Variants in SNRPN observed in about 807,000 individuals in gnomAD.
SNRPN encodes the protein small nuclear ribonucleoprotein polypeptide N.
A neutral mutation model predicts 25.2 loss-of-function variants in SNRPN; 7 were observed. The ratio of observed to expected loss-of-function variants is 0.28; its 90% CI spans 0.16 to 0.52. The LOEUF (loss-of-function observed/expected upper bound fraction) is 0.52, where lower values mean the gene tolerates loss of function less well. Among genes scored for constraint, SNRPN ranks in the 20% least tolerant of loss-of-function variants. The pLI, the probability that SNRPN is intolerant of heterozygous loss-of-function variation, is 0.96. For missense variants in SNRPN, 196 were observed against 322.5 expected (o/e 0.61, Z 3.00); for synonymous variants, 124 against 110.6 (o/e 1.12, Z -0.76).
At chr15:24,826,089 T>G (rs569738494) in intron 1 of SNRPN, among the ~76,000 whole-genome samples, 1 of 152,096 alleles carries the variant, frequency 6.6e-6, no homozygotes, top group Non-Finnish European at 1.5e-5. Flanking sequence ...ATGAATAAGA[T>G]GAAAGAGTTG....
chr15:24,976,477 T>C, intron 6 of SNRPN, 61 bp downstream of exon 6: 1 of 1,135,222 alleles, frequency 8.8e-7, no homozygotes, highest in Non-Finnish European at 1.3e-6. Flanking sequence ...TTATGTGAGA[T>C]GTCTGAAATC....
chr15:24,929,905 T>G lies in SNRPN; in HGVS notation c.-391+9781T>G. On this transcript the variant is annotated intron_variant, in intron 3 of 11. Transcript: ENST00000400097. The surrounding 1 kb of genome is among the most constrained non-coding windows in gnomAD (Gnocchi z 5.3). ...CATCTATTATGTATCAATAAAAAAATGGCCAGGCACGGTGGCTCACACCTA... is the reference window on the plus strand; with the variant it reads ...CATCTATTATGTATCAATAAAAAAAGGGCCAGGCACGGTGGCTCACACCTA... Among the ~76,000 whole-genome samples the G allele has an allele frequency of 6.6e-6, 1 of 152,038 alleles. No homozygotes were observed. Among genetic ancestry groups the G allele is most frequent in the South Asian group, 2.1e-4 (1 of 4,824 alleles).
At chr15:24,955,164 G>A (rs1216955232) in intron 1 of SNRPN, 102 bp downstream of exon 1, 2 of 1,500,724 alleles carry the variant, frequency 1.3e-6, no homozygotes, top group South Asian at 1.2e-5. Flanking sequence ...CTGAATAAAC[G>A]GAATTTGGGC....
chr15:24,933,267 CAAAAA>C (rs1481115212), intron 3 of SNRPN, among the ~76,000 whole-genome samples: 2 of 150,948 alleles, frequency 1.3e-5, no homozygotes, highest in Non-Finnish European at 3.0e-5. Flanking sequence ...CTCAAAAAAA[CAAAAA>C]GAAAAGAAAA....
At chr15:24,936,339 C>G (rs1343201055) in intron 3 of SNRPN, among the ~76,000 whole-genome samples, 2 of 152,056 alleles carry the variant, frequency 1.3e-5, no homozygotes, top group African/African-American at 4.8e-5. Context: ...TTCAGAAAGC[C>G]CATGTTCCTG....
chr15:24,946,087 T>C (rs967045575), intron 3 of SNRPN, among the ~76,000 whole-genome samples: 3 of 152,204 alleles, frequency 2.0e-5, no homozygotes, highest in Admixed American at 2.0e-4. Flanking sequence ...TCTTATGGAA[T>C]AGAATTATAA....
At chr15:24,975,813 CA>C (rs2076997683) in intron 5 of SNRPN, among the ~76,000 whole-genome samples, 1 of 152,178 alleles carries the variant, frequency 6.6e-6, no homozygotes, top group Non-Finnish European at 1.5e-5. Context: ...TTGGCTTCTG[CA>C]GCAGTCTTAG....
At chr15:24,953,120 A>G (rs1028048350), upstream of SNRPN, among the ~76,000 whole-genome samples, 1 of 152,202 alleles carries the variant, frequency 6.6e-6, no homozygotes, top group Admixed American at 6.5e-5. Context: ...TAAAGTAAAC[A>G]GAATCCCTTC....
chr15:24,964,113 CTATT>C (rs2075271032), intron 2 of SNRPN, among the ~76,000 whole-genome samples: 1 of 150,628 alleles, frequency 6.6e-6, no homozygotes, highest in Non-Finnish European at 1.5e-5. Flanking sequence ...TTATTTTTTC[CTATT>C]TATTTTGCCG....
At chr15:24,954,886 C>G (rs2062576786), upstream of SNRPN, 3 of 1,005,034 alleles carry the variant, frequency 3.0e-6, no homozygotes, top group Non-Finnish European at 3.0e-6. Context: ...GACCCCTGCA[C>G]TGCGGCAAAC....
chr15:24,864,759 ATGT>A (rs1385887058), intron 1 of SNRPN, among the ~76,000 whole-genome samples: 1 of 152,058 alleles, frequency 6.6e-6, no homozygotes. Flanking sequence ...TTAGTTCAAA[ATGT>A]TGTTTAATTT....
chr15:24,842,400 C>G (rs1001682676), intron 2 of SNRPN, among the ~76,000 whole-genome samples: 6 of 152,140 alleles, frequency 3.9e-5, no homozygotes, highest in African/African-American at 1.2e-4. Flanking sequence ...TTATTATTTA[C>G]AGATAGGGAG....
chr15:24,839,757 C>A (rs1352416385), intron 2 of SNRPN, among the ~76,000 whole-genome samples: 2 of 151,868 alleles, frequency 1.3e-5, no homozygotes, highest in African/African-American at 4.9e-5. Context: ...TGTCTTGGAG[C>A]CTTAGGCTCC....
At chr15:24,931,875 G>A in intron 3 of SNRPN, among the ~76,000 whole-genome samples, 1 of 129,444 alleles carries the variant, frequency 7.7e-6, no homozygotes, top group Non-Finnish European at 1.6e-5. Flanking sequence ...AAAAGACTTT[G>A]CTTCACCCAC....
intron 2 of SNRPN, among the ~76,000 whole-genome samples, chr15:24,891,570 T>G (rs899610043): frequency 6.6e-6 from 1 of 152,038 alleles, no homozygotes; most frequent in Non-Finnish European, 1.5e-5. Flanking sequence ...CCCAAGTAGC[T>G]GGGATTGTAG....
intron 2 of SNRPN, among the ~76,000 whole-genome samples, chr15:24,962,924 A>G (rs935404904): frequency 2.6e-5 from 4 of 152,168 alleles, no homozygotes; most frequent in Non-Finnish European, 4.4e-5. Flanking sequence ...AATTATAAGT[A>G]TTAAAAATTC....
At chr15:24,830,958 A>G (rs924986062) in intron 2 of SNRPN, among the ~76,000 whole-genome samples, 2 of 151,956 alleles carry the variant, frequency 1.3e-5, no homozygotes, top group African/African-American at 4.8e-5. Context: ...GATACTGTTG[A>G]GTTCAACTAT....
chr15:24,933,351 A>T (rs577010296), intron 3 of SNRPN, among the ~76,000 whole-genome samples: 1 of 152,196 alleles, frequency 6.6e-6, no homozygotes, highest in South Asian at 2.1e-4. Context: ...AAGAAAAAAA[A>T]AAACAATCAG....
chr15:24,870,449 C>T (rs980247302), intron 1 of SNRPN, among the ~76,000 whole-genome samples: 1 of 152,296 alleles, frequency 6.6e-6, no homozygotes, highest in Non-Finnish European at 1.5e-5. Flanking sequence ...TCCAGCACTA[C>T]ATGAATATAA....
Sources: gnomAD v4.1 joint callset for allele counts (sites outside exome capture counted in the v4.1 genomes callset) on GRCh38, gnomAD v4.1.1 for gene constraint, Gnocchi (gnomAD v3.1) non-coding constraint, MANE v1.5 for transcripts, NCBI Gene and HGNC (gene_info 2026-07-23, HGNC 2026-07-21) for gene names.